Variants in B3GAT1 observed in about 807,000 individuals in gnomAD.
The protein encoded by B3GAT1 is galactosylgalactosylxylosylprotein 3-beta-glucuronosyltransferase 1.
B3GAT1 carries 11 observed loss-of-function variants against 28.4 expected under a neutral mutation model. The observed-to-expected ratio is 0.39, with a 90% CI of 0.24 to 0.64. The LOEUF (loss-of-function observed/expected upper bound fraction) is 0.64, where lower values mean the gene tolerates loss of function less well. Among genes scored for constraint, B3GAT1 ranks in the 30% least tolerant of loss-of-function variants. B3GAT1 has a pLI of 0.50. For synonymous variants in B3GAT1, 255 were observed against 223.1 expected, an observed-to-expected ratio of 1.14 and a Z score of -1.27; for missense variants, 375 against 491.0, an observed-to-expected ratio of 0.76 and a Z score of 2.23.
At chr11:134,390,500 G>A (rs76810643) in intron 1 of B3GAT1, 8,181 of 152,352 alleles carry the variant, frequency 0.054, 259 homozygotes, top group African/African-American at 0.091. Context: ...AAGCCAAGGA[G>A]AGAAGATGAG....
rs539063243 is a variant in B3GAT1 at position 134,387,579 on chromosome 11, G to T, written c.81C>A (p.Ser27Arg). The change falls in exon 2 of 6, where the codon AGC (serine) becomes AGA (arginine). Residue 27 changes from serine to arginine, a missense_variant. Coordinates refer to ENST00000312527, the MANE Select transcript of B3GAT1 (RefSeq NM_054025.3). Reference protein sequence around the residue: ...WTLLITVWHQSTLAPLLAVHK... With the variant: ...WTLLITVWHQRTLAPLLAVHK... ...GTACCGCGAGCAGGGGTGCGAGGGTGCTCTGGTGCCAGACAGTGATGAGCA... is the reference window on the plus strand; with the variant it reads ...GTACCGCGAGCAGGGGTGCGAGGGTTCTCTGGTGCCAGACAGTGATGAGCA... 6.2e-7 allele frequency: 1 copy of T among 1,614,116 alleles called. No individual in the cohort carries two copies. Among genetic ancestry groups the T allele is most frequent in the Admixed American group, 1.7e-5 (1 of 60,030 alleles).
intron 1 of B3GAT1, among the ~76,000 whole-genome samples, chr11:134,402,912 C>CA (rs970550896): frequency 3.4e-3 from 285 of 83,418 alleles, no homozygotes; most frequent in East Asian, 0.023. Flanking sequence ...GACTCTGTTT[C>CA]AAAAAAAAAA....
In B3GAT1 at chr11:134,387,672, C is replaced by G; in HGVS notation, c.-13G>C. The G allele has an allele frequency of 2.5e-6, 4 of 1,613,874 alleles. No individual in the cohort carries two copies. Among genetic ancestry groups the G allele is most frequent in the Non-Finnish European group, 1.7e-6 (2 of 1,179,970 alleles). ...GTCTCTTCGGCATCTCCAAGGCTGG[C>G]TGCACCCACGGCTCCTCATTACCTG... On this transcript the variant is annotated 5_prime_UTR_variant, in exon 2 of 6. Transcript: ENST00000312527.
Position 134,383,722 on chromosome 11 carries a change from G to A in B3GAT1, c.579C>T (p.Phe193=), listed in dbSNP as rs765229137. ...RNSSQPGVVY[F]ADDDNTYSLE... The stretch of plus-strand genomic sequence containing the variant: ...GGCTGTAGGTGTTGTCGTCGTCGGC[G>A]AAGTAGACCACGCCAGGCTGGCTGG... Residue 193 remains phenylalanine, a synonymous_variant, in exon 3 of 6, where the codon TTC becomes TTT. Transcript: ENST00000312527. The A allele has an allele frequency of 1.4e-5, 22 of 1,591,942 alleles. No homozygotes were observed. The highest frequency in any genetic ancestry group is 1.5e-5 in the Non-Finnish European group (18 of 1,165,772).
At chr11:134,388,502 A>G (rs1944344585) in intron 1 of B3GAT1, 1 of 156,506 alleles carries the variant, frequency 6.4e-6, no homozygotes, top group Admixed American at 6.0e-5. Flanking sequence ...TTGGGGGCAC[A>G]TGTGCAGGTT....
Position 134,393,897 on chromosome 11 carries a change from T to C in B3GAT1, c.-281-5957A>G, listed in dbSNP as rs1944456714. Among the ~76,000 whole-genome samples the C allele has an allele frequency of 1.3e-5, 2 of 152,170 alleles. No homozygotes were observed. The highest frequency in any genetic ancestry group is 4.1e-4 in the South Asian group (2 of 4,826). On this transcript the variant is annotated intron_variant, in intron 1 of 5. Coordinates refer to ENST00000312527, the MANE Select transcript of B3GAT1 (RefSeq NM_054025.3). This position sits in a 1 kb window ranked among gnomAD's most constrained non-coding sequence, Gnocchi z 4.0. ...CCCCAAAGAGAGGGAGGGACAGGCT[T>C]TGTCCCACAGATCTCCAGGTGCCCC...
In B3GAT1 at chr11:134,395,327, T is replaced by C. The variant is rs558263944; in HGVS notation, c.-281-7387A>G. Among the ~76,000 whole-genome samples the C allele has an allele frequency of 2.6e-5, 4 of 152,132 alleles. No homozygotes were observed. In the South Asian group the frequency reaches 6.2e-4, roughly 24 times the overall value. ...TGAAGGAAGCAAACCTGATAAAGGA[T>C]TGTGGGACGCTGGACAATGGTGAGC... is the stretch of plus-strand genomic sequence containing the variant. On this transcript the variant is annotated intron_variant, in intron 1 of 5. Transcript: ENST00000312527.
At chr11:134,396,735 C>T (rs1233823352) in intron 1 of B3GAT1, among the ~76,000 whole-genome samples, 1 of 152,186 alleles carries the variant, frequency 6.6e-6, no homozygotes, top group Non-Finnish European at 1.5e-5. Flanking sequence ...TCTGCTCGGC[C>T]TGGCTTCCTG....
intron 1 of B3GAT1, among the ~76,000 whole-genome samples, chr11:134,407,755 C>T (rs1332989567): frequency 6.6e-6 from 1 of 151,648 alleles, no homozygotes; most frequent in Non-Finnish European, 1.5e-5. Flanking sequence ...AAAAAGCAAC[C>T]CACATAACCC....
intron 1 of B3GAT1, among the ~76,000 whole-genome samples, chr11:134,404,818 G>A (rs1346874363): frequency 1.3e-5 from 2 of 152,226 alleles, no homozygotes; most frequent in Non-Finnish European, 2.9e-5. Flanking sequence ...ATATCGACAG[G>A]CGATGAGTTA....
chr11:134,393,855 C>T lies in B3GAT1; in HGVS notation c.-281-5915G>A, dbSNP rs1162902039. ...GCTGCTGTTCATATCATCTCTGTCA[C>T]CCAGGAACCCCAGTGCCCCCAAAGA... On this transcript the variant is annotated intron_variant, in intron 1 of 5. Coordinates refer to ENST00000312527, the MANE Select transcript of B3GAT1 (RefSeq NM_054025.3). This position sits in a 1 kb window ranked among gnomAD's most constrained non-coding sequence, Gnocchi z 4.0. Among the ~76,000 whole-genome samples, 1 of 152,154 alleles carries T rather than the reference C, an allele frequency of 6.6e-6. No individual in the cohort carries two copies. The highest frequency in any genetic ancestry group is 2.4e-5 in the African/African-American group (1 of 41,416).
rs78965700 is a variant in B3GAT1, at chr11:134,393,776, C to T, written c.-281-5836G>A. 1.9e-3 allele frequency among the ~76,000 whole-genome samples: 283 copies of T among 152,238 alleles called. 1 individual carries two copies. The highest frequency in any genetic ancestry group is 6.5e-3 in the African/African-American group (269 of 41,546). On this transcript the variant is annotated intron_variant, in intron 1 of 5. Coordinates refer to ENST00000312527, the MANE Select transcript of B3GAT1 (RefSeq NM_054025.3). The surrounding 1 kb of genome is among the most constrained non-coding windows in gnomAD (Gnocchi z 4.0). ...GGGAGCCCCAGGCATCACACGGCGC[C>T]GGTCAGTGTGCTGTGCGGACCGGGT...
chr11:134,411,981 G>GCCCGC lies in B3GAT1; in HGVS notation c.-461_-457dup, dbSNP rs1221849000. The GCCCGC allele has an allele frequency of 7.4e-5, 10 of 134,848 alleles. No homozygotes were observed. Among genetic ancestry groups the GCCCGC allele is most frequent in the Admixed American group, 7.1e-4 (10 of 14,086 alleles). The allele number at this position is 134,848 out of a possible 1,614,324, so 8.4% of individuals were successfully genotyped here. On this transcript the variant is annotated 5_prime_UTR_variant, in exon 1 of 6. Transcript: ENST00000312527. The surrounding 1 kb of genome is among the most constrained non-coding windows in gnomAD (Gnocchi z 6.0). ...TCATAGCCGCGGGGTCCGCGCGCCC[G>GCCCGC]CCCGCCCCGCCCGGCCCCGCCGCCC...
At chr11:134,385,037 T>G (rs1056177277) in intron 2 of B3GAT1, 3 of 152,228 alleles carry the variant, frequency 2.0e-5, no homozygotes, top group African/African-American at 7.2e-5. Flanking sequence ...CCTGCCCACT[T>G]CTGCCGTTAC....
chr11:134,404,563 C>T lies in B3GAT1; in HGVS notation c.-282+7244G>A, dbSNP rs982716995. On this transcript the variant is annotated intron_variant, in intron 1 of 5. Coordinates refer to ENST00000312527, the MANE Select transcript of B3GAT1 (RefSeq NM_054025.3). The stretch of plus-strand genomic sequence containing the variant: ...CACCCTGGGCTTCAGTGAGCATTCA[C>T]GGCTGGGTTGGGTGTCTGTGTGTGA... Among the ~76,000 whole-genome samples, 4 of 152,188 alleles carry T rather than the reference C, an allele frequency of 2.6e-5. No homozygotes were observed. The South Asian group carries it at 6.2e-4, about 24-fold the overall frequency.
At position 134,384,127 on chromosome 11, in the gene B3GAT1, C is replaced by A. The variant is rs755439844; in HGVS notation, c.174G>T (p.Thr58=). 3.8e-6 allele frequency: 6 copies of A among 1,581,868 alleles called. No individual in the cohort carries two copies. Among genetic ancestry groups the A allele is most frequent in the South Asian group, 1.1e-5 (1 of 89,762 alleles). Residue 58 remains threonine, a synonymous_variant, in exon 3 of 6, where the codon ACG becomes ACT. Coordinates refer to ENST00000312527, the MANE Select transcript of B3GAT1 (RefSeq NM_054025.3). ...CCACCTCCACGATGTCGCGGTCAGACGTGCAGTACTCCCTGGGGTCGGCGC... is the reference window on the plus strand; with the variant it reads ...CCACCTCCACGATGTCGCGGTCAGAAGTGCAGTACTCCCTGGGGTCGGCGC... ...PPGADPREYC[T]SDRDIVEVVR... is the part of the protein sequence containing the mutation.
At chr11:134,396,890 G>C (rs1944514089) in intron 1 of B3GAT1, among the ~76,000 whole-genome samples, 1 of 152,164 alleles carries the variant, frequency 6.6e-6, no homozygotes, top group Non-Finnish European at 1.5e-5. Flanking sequence ...CCAGCACGAG[G>C]CCCCTGACGG....
At chr11:134,396,740 T>G (rs1944511740) in intron 1 of B3GAT1, among the ~76,000 whole-genome samples, 1 of 152,196 alleles carries the variant, frequency 6.6e-6, no homozygotes, top group Non-Finnish European at 1.5e-5. Context: ...TCGGCCTGGC[T>G]TCCTGCTGCC....
chr11:134,406,035 A>G lies in B3GAT1; in HGVS notation c.-282+5772T>C, dbSNP rs561141956. On this transcript the variant is annotated intron_variant, in intron 1 of 5. Coordinates refer to ENST00000312527, the MANE Select transcript of B3GAT1 (RefSeq NM_054025.3). ...TGTCCCTCCTGTCTTAGACGAGGAA[A>G]CTGAGGCCCCACCAGTGTCTGTGGC... Among the ~76,000 whole-genome samples, 24 of 152,334 alleles carry G rather than the reference A, an allele frequency of 1.6e-4. No homozygotes were observed. The South Asian group carries it at 4.8e-3, about 30-fold the overall frequency.
Sources: gnomAD v4.1 joint callset for allele counts (sites outside exome capture counted in the v4.1 genomes callset) on GRCh38, gnomAD v4.1.1 for gene constraint, Gnocchi (gnomAD v3.1) non-coding constraint, MANE v1.5 for transcripts, NCBI Gene and HGNC (gene_info 2026-07-23, HGNC 2026-07-21) for gene names.